ALG9: variants seen among roughly 807,000 people sequenced by gnomAD.
ALG9 encodes alpha-1,2-mannosyltransferase ALG9.
A neutral mutation model predicts 81.8 loss-of-function variants in ALG9; 55 were observed. The ratio of observed to expected loss-of-function variants is 0.67; its 90% CI spans 0.54 to 0.84. ALG9 has a LOEUF of 0.84. Among genes scored for constraint, ALG9 ranks in the 40% least tolerant of loss-of-function variants. The pLI, the probability that ALG9 is intolerant of heterozygous loss-of-function variation, is 0.00. For synonymous variants in ALG9, 278 were observed against 274.3 expected, an observed-to-expected ratio of 1.01 and a Z score of -0.13; for missense variants, 629 against 745.0, an observed-to-expected ratio of 0.84 and a Z score of 1.81.
Position 111,782,205 on chromosome 11 carries a change from A to G in ALG9, c.*4192T>C, listed in dbSNP as rs1219293125. ...TTAAGAAAAAGAAAATCAAACTGCT[A>G]CAATTTATTTAACTCTTTCTTTCAC... is the stretch of plus-strand genomic sequence containing the variant. On this transcript the variant is annotated 3_prime_UTR_variant, in exon 15 of 15. Transcript: ENST00000616540. 2.0e-5 allele frequency: 3 copies of G among 152,250 alleles called. No homozygotes were observed. Among genetic ancestry groups the G allele is most frequent in the African/African-American group, 7.2e-5 (3 of 41,466 alleles). 9.4% of individuals were successfully genotyped at this position (152,250 alleles called of 1,614,324 possible). A position where few individuals can be genotyped will look rare whatever the true frequency, so the allele number is the denominator to read the frequency against.
chr11:111,819,994 C>T (rs1012962414), intron 13 of ALG9, among the ~76,000 whole-genome samples: 2 of 152,232 alleles, frequency 1.3e-5, no homozygotes, highest in Admixed American at 6.5e-5. Context: ...CTTCCCTTAG[C>T]TTCTAGCCCC....
chr11:111,825,950 C>T (rs1330024341), intron 13 of ALG9, among the ~76,000 whole-genome samples: 1 of 151,766 alleles, frequency 6.6e-6, no homozygotes, highest in Non-Finnish European at 1.5e-5. Context: ...CATGAAATCC[C>T]AGCTACTCAG....
At chr11:111,812,513 G>T (rs1236874643) in intron 13 of ALG9, among the ~76,000 whole-genome samples, 4 of 152,146 alleles carry the variant, frequency 2.6e-5, no homozygotes, top group Admixed American at 2.6e-4. Flanking sequence ...ACAGCAGTAA[G>T]CTATGATCAT....
intron 10 of ALG9, among the ~76,000 whole-genome samples, chr11:111,839,331 A>T (rs1474093425): frequency 6.6e-6 from 1 of 152,140 alleles, no homozygotes; most frequent in Non-Finnish European, 1.5e-5. Context: ...CACGCCTGTA[A>T]TCCCAGCACT....
At chr11:111,864,167 C>T in intron 4 of ALG9, 1 of 566,922 alleles carries the variant, frequency 1.8e-6, no homozygotes, top group East Asian at 3.0e-5. Flanking sequence ...AAGAAGAGAA[C>T]AATAAATAAA....
chr11:111,870,942 T>G (rs1449273524), intron 1 of ALG9: 1 of 1,009,730 alleles, frequency 9.9e-7, no homozygotes, highest in African/African-American at 1.7e-5. Flanking sequence ...AGTTCTAACC[T>G]GCAGCCTCCA....
chr11:111,778,563 G>A (rs945658260), downstream of ALG9, among the ~76,000 whole-genome samples: 1 of 152,122 alleles, frequency 6.6e-6, no homozygotes, highest in African/African-American at 2.4e-5. Flanking sequence ...CCTAGATGAA[G>A]GCCTGGGTAA....
intron 1 of ALG9, among the ~76,000 whole-genome samples, 183 bp from the exon 2 acceptor site, chr11:111,870,553 T>C (rs1964007051): frequency 6.6e-6 from 1 of 152,070 alleles, no homozygotes; most frequent in African/African-American, 2.4e-5. Context: ...AAATTCAGAT[T>C]TTTAAGAAAA....
rs1946323024 is a variant in ALG9 at position 111,785,011 on chromosome 11, C to T, written c.*1386G>A. The T allele has an allele frequency of 6.6e-6, 1 of 152,642 alleles. No individual in the cohort carries two copies. The highest frequency in any genetic ancestry group is 6.5e-5 in the Admixed American group (1 of 15,286). 9.5% of individuals were successfully genotyped at this position (152,642 alleles called of 1,614,324 possible). ...AACTCAAATACAGACACAATTCTTC[C>T]TTAAAATAGAAAGTTACAATATCAG... is the stretch of plus-strand genomic sequence containing the variant. On this transcript the variant is annotated 3_prime_UTR_variant, in exon 15 of 15. Coordinates refer to ENST00000616540, the MANE Select transcript of ALG9 (RefSeq NM_024740.2).
At chr11:111,848,428 T>G (rs1240403235) in intron 8 of ALG9, among the ~76,000 whole-genome samples, 1 of 151,644 alleles carries the variant, frequency 6.6e-6, no homozygotes, top group African/African-American at 2.4e-5. Flanking sequence ...AGAAACCCCA[T>G]CTCTACTAAA....
chr11:111,794,486 T>C (rs1947935619), intron 14 of ALG9, among the ~76,000 whole-genome samples: 1 of 152,116 alleles, frequency 6.6e-6, no homozygotes, highest in Non-Finnish European at 1.5e-5. Context: ...AGACAGAGTC[T>C]CACTATGTTG....
intron 14 of ALG9, among the ~76,000 whole-genome samples, chr11:111,801,505 T>G (rs982101594): frequency 6.6e-6 from 1 of 152,268 alleles, no homozygotes; most frequent in Admixed American, 6.5e-5. Flanking sequence ...TGTTTTAGAA[T>G]GTAAACGGAC....
At chr11:111,834,744 C>T (rs1183787084) in intron 13 of ALG9, among the ~76,000 whole-genome samples, 3 of 152,106 alleles carry the variant, frequency 2.0e-5, no homozygotes, top group Non-Finnish European at 4.4e-5. Flanking sequence ...GTGTATTTTC[C>T]CACCCTTTGA....
intron 4 of ALG9, among the ~76,000 whole-genome samples, chr11:111,863,492 A>G (rs1225304613): frequency 1.1e-4 from 17 of 152,222 alleles, no homozygotes; most frequent in African/African-American, 3.9e-4. Context: ...AGGCAGCACT[A>G]GCTTTACTTT....
Position 111,785,717 on chromosome 11 carries a change from T to C in ALG9, c.*680A>G, listed in dbSNP as rs1366021359. On this transcript the variant is annotated 3_prime_UTR_variant, in exon 15 of 15. Transcript: ENST00000616540. ...AAGCAATACAACCTTATAGTTACAGTTGGTTGTAAAGGAAATGAAAATTAG... is the reference window on the plus strand; with the variant it reads ...AAGCAATACAACCTTATAGTTACAGCTGGTTGTAAAGGAAATGAAAATTAG... 1 of 227,240 alleles carries C rather than the reference T, an allele frequency of 4.4e-6. No homozygotes were observed. Among genetic ancestry groups the C allele is most frequent in the Non-Finnish European group, 8.9e-6 (1 of 112,780 alleles). 14.1% of individuals were successfully genotyped at this position (227,240 alleles called of 1,614,324 possible).
chr11:111,840,525 C>A, intron 10 of ALG9, 130 bp downstream of exon 10: 1 of 1,062,744 alleles, frequency 9.4e-7, no homozygotes, highest in Non-Finnish European at 1.4e-6. Context: ...ATAATATGAT[C>A]TATATCAGGT....
At chr11:111,851,774 C>T (rs1166090414) in intron 8 of ALG9, among the ~76,000 whole-genome samples, 1 of 152,070 alleles carries the variant, frequency 6.6e-6, no homozygotes, top group Non-Finnish European at 1.5e-5. Flanking sequence ...TACAAGTAAA[C>T]TAAAACAAGA....
chr11:111,774,069 T>TAAA, the ALG9 span, among the ~76,000 whole-genome samples: 32 of 69,680 alleles, frequency 4.6e-4, no homozygotes, highest in East Asian at 8.4e-4. Context: ...CATATCTTAT[T>TAAA]AAAAAAAAAA....
intron 9 of ALG9, among the ~76,000 whole-genome samples, chr11:111,841,820 C>A (rs1316382381): frequency 6.6e-6 from 1 of 152,192 alleles, no homozygotes; most frequent in Non-Finnish European, 1.5e-5. Flanking sequence ...TCAACTTTTG[C>A]TCTAAGACAT....
Sources: allele counts gnomAD v4.1 joint callset (sites outside exome capture counted in the v4.1 genomes callset), GRCh38; gene constraint gnomAD v4.1.1; transcripts MANE v1.5; gene names NCBI Gene and HGNC (gene_info 2026-07-23, HGNC 2026-07-21).